Variants in MSH5 observed in about 807,000 individuals in gnomAD.
MSH5 encodes mutS protein homolog 5.
Under a neutral mutation model 107.7 loss-of-function variants are expected in MSH5, and 78 were observed. The ratio of observed to expected loss-of-function variants is 0.72; its 90% CI spans 0.60 to 0.87. The LOEUF is 0.87. Among genes scored for constraint, MSH5 ranks in the 40% least tolerant of loss-of-function variants. The probability of loss-of-function intolerance (pLI) is 0.00; values close to 1 mark genes in which losing one functional copy is unlikely to be tolerated. For synonymous variants in MSH5, 326 were observed against 399.5 expected (o/e 0.82, Z 2.19); for missense variants, 889 against 1,046.6 (o/e 0.85, Z 2.08).
Position 31,760,325 on chromosome 6 carries a change from G to A in MSH5, c.1812+109G>A, listed in dbSNP as rs28399980. 1.9e-4 allele frequency: 263 copies of A among 1,405,660 alleles called. 1 individual carries two copies. The Middle Eastern group carries it at 2.0e-3, about 11-fold the overall frequency. The allele number at this position is 1,405,660 out of a possible 1,614,324, so 87.1% of individuals were successfully genotyped here. A position where few individuals can be genotyped will look rare whatever the true frequency, so the allele number is the denominator to read the frequency against. On this transcript the variant is annotated intron_variant, in intron 19 of 24. Coordinates refer to ENST00000375750, the MANE Select transcript of MSH5 (RefSeq NM_172166.4). This position sits in a 1 kb window ranked among gnomAD's most constrained non-coding sequence, Gnocchi z 5.6. The stretch of plus-strand genomic sequence containing the variant: ...AGCTCTTCTCCCATTTTCTGACCCC[G>A]CTCTTCATGAAAGGACCATCACCCA...
intron 12 of MSH5, among the ~76,000 whole-genome samples, chr6:31,756,046 GT>G (rs555910588): frequency 0.1 from 14,604 of 143,570 alleles, 847 homozygotes; most frequent in East Asian, 0.25. Flanking sequence ...TAGGTTCAGA[GT>G]TTTTTTTTTT....
In MSH5 at chr6:31,761,867, T is replaced by TTTGCGAAGGTG. The variant is rs1811037275; in HGVS notation, c.2241_2251dup (p.Ala751ValfsTer31). 6.2e-7 allele frequency: 1 copy of TTTGCGAAGGTG among 1,613,182 alleles called. No homozygotes were observed. Among genetic ancestry groups the TTTGCGAAGGTG allele is most frequent in the Non-Finnish European group, 8.5e-7 (1 of 1,180,036 alleles). On this transcript the variant is annotated frameshift_variant, in exon 23 of 25. Coordinates refer to ENST00000375750, the MANE Select transcript of MSH5 (RefSeq NM_172166.4). LOFTEE classifies it high-confidence loss of function. The surrounding 1 kb of genome is among the most constrained non-coding windows in gnomAD (Gnocchi z 5.3). ...AACGATCTTGTCTTCTTCTATCAGG[T>TTTGCGAAGGTG]TTGCGAAGGTGTTGCGAAGGCCAGC...
In MSH5 at chr6:31,740,328, C is replaced by A; in HGVS notation, c.-13-126C>A. ...CCTCCTGTGTCCACAGCTCTCCACG[C>A]CCCTCAGCCCTGCCCCGCAGCCCTG... is the stretch of plus-strand genomic sequence containing the variant. On this transcript the variant is annotated intron_variant, in intron 1 of 24. Coordinates refer to ENST00000375750, the MANE Select transcript of MSH5 (RefSeq NM_172166.4). The surrounding 1 kb of genome is among the most constrained non-coding windows in gnomAD (Gnocchi z 4.4). The A allele has an allele frequency of 2.1e-6, 2 of 953,106 alleles. No homozygotes were observed. The highest frequency in any genetic ancestry group is 1.5e-6 in the Non-Finnish European group (1 of 658,768). The allele number at this position is 953,106 out of a possible 1,614,324, so 59.0% of individuals were successfully genotyped here.
intron 10 of MSH5, among the ~76,000 whole-genome samples, chr6:31,752,976 G>T (rs1346137431): frequency 6.6e-6 from 1 of 152,204 alleles, no homozygotes; most frequent in Non-Finnish European, 1.5e-5. Context: ...GTGAGCTGCA[G>T]TGTTGGCACA....
rs1485958689 is a variant in MSH5 at position 31,762,614 on chromosome 6, CAG to C, written c.*86_*87del. 2.5e-6 allele frequency: 2 copies of C among 809,008 alleles called. No individual in the cohort carries two copies. The highest frequency in any genetic ancestry group is 4.1e-6 in the Non-Finnish European group (2 of 486,560). 50.1% of individuals were successfully genotyped at this position (809,008 alleles called of 1,614,324 possible). On this transcript the variant is annotated 3_prime_UTR_variant, in exon 25 of 25. Transcript: ENST00000375750. ...TTTGTTTCCTTATCTCCCTCAGACGCAGAGTTTTTAGTTTCTCTAGAAATTTT... is the reference window on the plus strand; with the variant it reads ...TTTGTTTCCTTATCTCCCTCAGACGCAGTTTTTAGTTTCTCTAGAAATTTT...
chr6:31,761,314 G>C lies in MSH5; in HGVS notation c.2037+52G>C, dbSNP rs1581566043. 1 of 1,608,396 alleles carries C rather than the reference G, an allele frequency of 6.2e-7. No individual in the cohort carries two copies. Among genetic ancestry groups the C allele is most frequent in the East Asian group, 2.2e-5 (1 of 44,856 alleles). Reference sequence around the variant, plus strand: ...AAACTAAGGAGGGGAAAATGGAGGAGGATGAAGGAGCATGACAGTGAGGCT... The same window carrying C: ...AAACTAAGGAGGGGAAAATGGAGGACGATGAAGGAGCATGACAGTGAGGCT... On this transcript the variant is annotated intron_variant, in intron 21 of 24. Coordinates refer to ENST00000375750, the MANE Select transcript of MSH5 (RefSeq NM_172166.4). The surrounding 1 kb of genome is among the most constrained non-coding windows in gnomAD (Gnocchi z 5.3).
chr6:31,758,693 A>G lies in MSH5; in HGVS notation c.1216+73A>G, dbSNP rs1474894364. The G allele has an allele frequency of 2.5e-6, 4 of 1,608,340 alleles. No homozygotes were observed. Among genetic ancestry groups the G allele is most frequent in the Non-Finnish European group, 3.4e-6 (4 of 1,174,844 alleles). On this transcript the variant is annotated intron_variant, in intron 14 of 24. Transcript: ENST00000375750. The surrounding 1 kb of genome is among the most constrained non-coding windows in gnomAD (Gnocchi z 5.1). ...GTACCATCCTTGGCAGGTGGTCACC[A>G]CAGCTGGGGATCTTCATAGCAACCA...
At chr6:31,754,972 T>C (rs1377543930) in intron 12 of MSH5, among the ~76,000 whole-genome samples, 1 of 152,122 alleles carries the variant, frequency 6.6e-6, no homozygotes, top group Non-Finnish European at 1.5e-5. Flanking sequence ...CAGGATGGTC[T>C]TGATCTCCTG....
intron 9 of MSH5, 121 bp from the exon 10 acceptor site, chr6:31,747,266 C>T: frequency 1.9e-6 from 2 of 1,054,914 alleles, no homozygotes; most frequent in Non-Finnish European, 2.9e-6. Context: ...TGTGCCCTCC[C>T]AGGCCAGCTT....
intron 12 of MSH5, chr6:31,757,298 C>T (rs1269948180): frequency 6.6e-6 from 1 of 152,158 alleles, no homozygotes; most frequent in Non-Finnish European, 1.5e-5. Context: ...GCGCCCGCCA[C>T]CACGCCTGGC....
At position 31,762,460 on chromosome 6, in the gene MSH5, G is replaced by A. The variant is rs775261672; in HGVS notation, c.2434G>A (p.Glu812Lys). The A allele has an allele frequency of 2.5e-6, 4 of 1,613,890 alleles. No homozygotes were observed. The highest frequency in any genetic ancestry group is 8.5e-7 in the Non-Finnish European group (1 of 1,179,994). Residue 812 changes from glutamate to lysine, a missense_variant, in exon 25 of 25, where the codon GAA becomes AAA. Physicochemically the swap from Glu to Lys is moderately conservative, Grantham distance 56 (BLOSUM62 1). Transcript: ENST00000375750. ...GGATAAGTTTATGAAACTGGATTTG[G>A]AAGATCCTAACCTGGACTTGAACGT... is the stretch of plus-strand genomic sequence containing the variant. ...LVDKFMKLDLEDPNLDLNVFM... is the reference protein window; with the variant it reads ...LVDKFMKLDLKDPNLDLNVFM...
Position 31,740,556 on chromosome 6 carries a change from G to A in MSH5, c.90G>A (p.Val30=), listed in dbSNP as rs754381380. 1 of 1,524,854 alleles carries A rather than the reference G, an allele frequency of 6.6e-7. No homozygotes were observed. Among genetic ancestry groups the A allele is most frequent in the Admixed American group, 2.3e-5 (1 of 44,080 alleles). 94.5% of individuals were successfully genotyped at this position (1,524,854 alleles called of 1,614,324 possible). The change falls in exon 2 of 25, where the codon GTG becomes GTA. Residue 30 remains valine, a synonymous_variant. Transcript: ENST00000375750. This position sits in a 1 kb window ranked among gnomAD's most constrained non-coding sequence, Gnocchi z 4.4. ...CCGGCTTCCCCAGCCCGGCCCCAGT[G>A]CCGGGCCCCAGGGAGGCCGAGGAGG... is the stretch of plus-strand genomic sequence containing the variant. ...ASSGFPSPAP[V]PGPREAEEEE...
chr6:31,761,125 CTG>C lies in MSH5; in HGVS notation c.1963-60_1963-59del. 3.3e-6 allele frequency: 5 copies of C among 1,509,290 alleles called. No individual in the cohort carries two copies. The highest frequency in any genetic ancestry group is 4.6e-6 in the Non-Finnish European group (5 of 1,097,220). The allele number at this position is 1,509,290 out of a possible 1,614,324, so 93.5% of individuals were successfully genotyped here. On this transcript the variant is annotated intron_variant, in intron 20 of 24. Coordinates refer to ENST00000375750, the MANE Select transcript of MSH5 (RefSeq NM_172166.4). The surrounding 1 kb of genome is among the most constrained non-coding windows in gnomAD (Gnocchi z 5.3). ...GTATACAGCTTTATTCACAGGCCAA[CTG>C]TGGTCAGTGCGTTACGGGCTTCCAA...
intron 8 of MSH5, among the ~76,000 whole-genome samples, chr6:31,744,980 G>A (rs1456526302): frequency 6.6e-6 from 1 of 151,674 alleles, no homozygotes; most frequent in Non-Finnish European, 1.5e-5. Flanking sequence ...TGTGTTGTGC[G>A]CCTGTAATCC....
chr6:31,745,334 T>C lies in MSH5; in HGVS notation c.766+15T>C. 6.3e-7 allele frequency: 1 copy of C among 1,579,878 alleles called. No individual in the cohort carries two copies. Among genetic ancestry groups the C allele is most frequent in the South Asian group, 1.1e-5 (1 of 90,088 alleles). On this transcript the variant is annotated intron_variant, in intron 9 of 24. Coordinates refer to ENST00000375750, the MANE Select transcript of MSH5 (RefSeq NM_172166.4). ...CAGCCTCTTTGGTAGGTGTGCCCCA[T>C]CCCTCATCTCACATTACAAAGACCT...
intron 9 of MSH5, 126 bp downstream of exon 9, chr6:31,745,445 C>G: frequency 1.5e-6 from 1 of 682,312 alleles, no homozygotes; most frequent in Non-Finnish European, 2.5e-6. Flanking sequence ...TCATGCCAAT[C>G]CAAATTTCTT....
intron 12 of MSH5, 161 bp downstream of exon 12, chr6:31,753,790 G>A (rs1044597222): frequency 3.0e-6 from 2 of 667,028 alleles, no homozygotes; most frequent in African/African-American, 3.6e-5. Context: ...GTGCCATGGG[G>A]CGATCTTGGC....
rs921496518 is a variant in MSH5, at chr6:31,747,450, A to T, written c.812+18A>T. 4 of 1,611,836 alleles carry T rather than the reference A, an allele frequency of 2.5e-6. No individual in the cohort carries two copies. Among genetic ancestry groups the T allele is most frequent in the Admixed American group, 1.7e-5 (1 of 59,976 alleles). ...CTGCTCAGGTGAGTGGGTCCCACAC[A>T]TACTACACACTAATGCATGAATTCC... is the stretch of plus-strand genomic sequence containing the variant. On this transcript the variant is annotated intron_variant, in intron 10 of 24. Transcript: ENST00000375750.
rs914139670 is a variant in MSH5, at chr6:31,759,777, C to T, written c.1496-9C>T. 13 of 1,611,582 alleles carry T rather than the reference C, an allele frequency of 8.1e-6. No homozygotes were observed. In the African/African-American group the frequency reaches 1.6e-4, roughly 20 times the overall value. ...CTGACCTCCAGCTCCCTTCCTCACCCACTCCCAGACCAGGAGACGCTGCTG... is the reference window on the plus strand; with the variant it reads ...CTGACCTCCAGCTCCCTTCCTCACCTACTCCCAGACCAGGAGACGCTGCTG... On this transcript the variant is annotated splice_polypyrimidine_tract_variant and intron_variant, in intron 17 of 24. Coordinates refer to ENST00000375750, the MANE Select transcript of MSH5 (RefSeq NM_172166.4). This position sits in a 1 kb window ranked among gnomAD's most constrained non-coding sequence, Gnocchi z 4.7.
Sources: gnomAD v4.1 joint callset for allele counts (sites outside exome capture counted in the v4.1 genomes callset) on GRCh38, gnomAD v4.1.1 for gene constraint, Gnocchi (gnomAD v3.1) non-coding constraint, MANE v1.5 for transcripts, NCBI Gene and HGNC (gene_info 2026-07-23, HGNC 2026-07-21) for gene names.